The following PDE5A variants were observed in gnomAD, a reference collection of about 807,000 sequenced individuals.
PDE5A encodes phosphodiesterase 5A, also known as cGMP-specific 3',5'-cyclic phosphodiesterase.
A neutral mutation model predicts 110.2 loss-of-function variants in PDE5A; 67 were observed. That is an observed-to-expected ratio of 0.61 (90% CI 0.50 to 0.75). The LOEUF (loss-of-function observed/expected upper bound fraction) is 0.75. Among genes scored for constraint, PDE5A ranks in the 30% least tolerant of loss-of-function variants. The pLI, the probability that PDE5A is intolerant of heterozygous loss-of-function variation, is 0.00. For synonymous variants in PDE5A, 328 were observed against 351.2 expected, an observed-to-expected ratio of 0.93 and a Z score of 0.74; for missense variants, 862 against 1,045.1, an observed-to-expected ratio of 0.82 and a Z score of 2.42.
chr4:119,545,055 G>A (rs1430744324), intron 9 of PDE5A, among the ~76,000 whole-genome samples: 1 of 152,116 alleles, frequency 6.6e-6, no homozygotes, highest in East Asian at 1.9e-4. Flanking sequence ...GGGTACTGAA[G>A]ACAAATCATC....
chr4:119,580,947 G>A (rs1329991754), intron 3 of PDE5A, among the ~76,000 whole-genome samples: 3 of 152,222 alleles, frequency 2.0e-5, no homozygotes, highest in Non-Finnish European at 4.4e-5. Context: ...TAATAATGAA[G>A]ATTTATTTTA....
intron 1 of PDE5A, among the ~76,000 whole-genome samples, chr4:119,615,313 G>A (rs956635914): frequency 4.6e-5 from 7 of 152,100 alleles, no homozygotes; most frequent in Non-Finnish European, 7.4e-5. Flanking sequence ...GCACATGGAA[G>A]CATTTCAAGA....
At chr4:119,548,944 T>G (rs559503815) in intron 9 of PDE5A, 2 of 152,158 alleles carry the variant, frequency 1.3e-5, no homozygotes, top group Non-Finnish European at 2.9e-5. Flanking sequence ...AACAAATGAA[T>G]AGTGATATTG....
chr4:119,588,468 C>T (rs552939688), intron 3 of PDE5A, among the ~76,000 whole-genome samples: 6 of 150,928 alleles, frequency 4.0e-5, no homozygotes, highest in South Asian at 2.1e-4. Flanking sequence ...TGAGCCACCG[C>T]GCCTAGCCTA....
intron 7 of PDE5A, 89 bp downstream of exon 7, chr4:119,560,207 A>C (rs1394797296): frequency 2.6e-5 from 19 of 730,344 alleles, no homozygotes; most frequent in Non-Finnish European, 3.9e-5. Context: ...TCTGTAGCTT[A>C]TATTTCTTAA....
chr4:119,606,148 CT>C (rs1729519690), intron 2 of PDE5A, among the ~76,000 whole-genome samples: 4 of 152,066 alleles, frequency 2.6e-5, no homozygotes. Flanking sequence ...CCATTGAAAA[CT>C]TTTAGAGCAA....
chr4:119,554,258 G>A (rs925620278), intron 7 of PDE5A, among the ~76,000 whole-genome samples: 3 of 151,780 alleles, frequency 2.0e-5, no homozygotes, highest in African/African-American at 4.8e-5. Flanking sequence ...TCTTTTTGTC[G>A]TGTCTTCCTT....
At chr4:119,519,423 T>C in intron 13 of PDE5A, 1 of 327,226 alleles carries the variant, frequency 3.1e-6, no homozygotes, top group Non-Finnish European at 5.5e-6. Context: ...TAATTCTTAA[T>C]TATTATGTGA....
At chr4:119,581,650 CA>C (rs960537952) in intron 3 of PDE5A, among the ~76,000 whole-genome samples, 15 of 151,876 alleles carry the variant, frequency 9.9e-5, no homozygotes, top group African/African-American at 3.6e-4. Context: ...GTGTCACCAG[CA>C]AAAAAAGACA....
chr4:119,550,597 C>G (rs961333912), intron 9 of PDE5A, among the ~76,000 whole-genome samples: 5 of 152,166 alleles, frequency 3.3e-5, no homozygotes, highest in Non-Finnish European at 7.4e-5. Flanking sequence ...GTAACTTCCT[C>G]CAGCCACTCC....
At chr4:119,536,976 C>A (rs932132803) in intron 11 of PDE5A, among the ~76,000 whole-genome samples, 3 of 152,114 alleles carry the variant, frequency 2.0e-5, no homozygotes, top group South Asian at 2.1e-4. Context: ...AAAACACGCT[C>A]GGTATACAGG....
chr4:119,628,791 G>A lies in PDE5A; in HGVS notation c.-120C>T. 1 of 1,457,862 alleles carries A rather than the reference G, an allele frequency of 6.9e-7. No individual in the cohort carries two copies. The highest frequency in any genetic ancestry group is 1.2e-5 in the South Asian group (1 of 83,008). 90.3% of individuals were successfully genotyped at this position (1,457,862 alleles called of 1,614,324 possible). On this transcript the variant is annotated 5_prime_UTR_variant, in exon 1 of 21. Transcript: ENST00000354960. ...CTCCCCCTTCGTCCTGCTCCAGTCGGGCCGGCTTTCGACAAAGCGGCCGGA... is the reference window on the plus strand; with the variant it reads ...CTCCCCCTTCGTCCTGCTCCAGTCGAGCCGGCTTTCGACAAAGCGGCCGGA...
chr4:119,501,158 T>C lies in PDE5A; in HGVS notation c.2490+12A>G. 6.5e-7 allele frequency: 1 copy of C among 1,543,080 alleles called. No homozygotes were observed. The highest frequency in any genetic ancestry group is 9.0e-7 in the Non-Finnish European group (1 of 1,116,180). On this transcript the variant is annotated intron_variant, in intron 20 of 20. Transcript: ENST00000354960. ...CCAAGTTTAGCAAGTCTAGTAGTTT[T>C]CATATAAATACCTCATACAGTTGCA...
chr4:119,628,083 G>C (rs1024172864), intron 1 of PDE5A: 7 of 967,844 alleles, frequency 7.2e-6, no homozygotes, highest in African/African-American at 3.7e-5. Flanking sequence ...GCCAGGGCGA[G>C]GGGGGACGGG....
At chr4:119,593,069 G>T (rs1192671407) in intron 3 of PDE5A, among the ~76,000 whole-genome samples, 1 of 152,192 alleles carries the variant, frequency 6.6e-6, no homozygotes, top group African/African-American at 2.4e-5. Flanking sequence ...TAAAAAGACT[G>T]ATACACTATG....
In PDE5A at chr4:119,627,403, G is replaced by T; in HGVS notation, c.152+1117C>A. 1 of 655,718 alleles carries T rather than the reference G, an allele frequency of 1.5e-6. No homozygotes were observed. The highest frequency in any genetic ancestry group is 2.0e-5 in the African/African-American group (1 of 51,054). 40.6% of individuals were successfully genotyped at this position (655,718 alleles called of 1,614,324 possible). ...AGCCGCGGCCGCGCGCCGGCGAGTGGGACCCGGGCGTCGAACCCGGGCGGG... is the reference window on the plus strand; with the variant it reads ...AGCCGCGGCCGCGCGCCGGCGAGTGTGACCCGGGCGTCGAACCCGGGCGGG... On this transcript the variant is annotated intron_variant, in intron 1 of 20. Coordinates refer to ENST00000354960, the MANE Select transcript of PDE5A (RefSeq NM_001083.4). This position sits in a 1 kb window ranked among gnomAD's most constrained non-coding sequence, Gnocchi z 4.6.
At chr4:119,557,481 T>C (rs531002618) in intron 7 of PDE5A, among the ~76,000 whole-genome samples, 7 of 152,270 alleles carry the variant, frequency 4.6e-5, no homozygotes, top group Non-Finnish European at 1.0e-4. Context: ...ATGAGTGCAT[T>C]GTTGGGATGA....
intron 2 of PDE5A, among the ~76,000 whole-genome samples, chr4:119,603,435 T>C (rs139325753): frequency 1.3e-5 from 2 of 152,232 alleles, no homozygotes; most frequent in African/African-American, 2.4e-5. Flanking sequence ...TTGAAGGTAG[T>C]TGCATGATGG....
At chr4:119,608,642 G>A (rs1271526407) in intron 1 of PDE5A, among the ~76,000 whole-genome samples, 4 of 152,252 alleles carry the variant, frequency 2.6e-5, no homozygotes, top group East Asian at 1.9e-4. Context: ...AAGACATGAC[G>A]CTTTAGAAAA....
Sources: gnomAD v4.1 joint callset for allele counts (sites outside exome capture counted in the v4.1 genomes callset) on GRCh38, gnomAD v4.1.1 for gene constraint, Gnocchi (gnomAD v3.1) non-coding constraint, MANE v1.5 for transcripts, NCBI Gene and HGNC (gene_info 2026-07-23, HGNC 2026-07-21) for gene names.